Variants in CADPS observed in about 807,000 individuals in gnomAD.
CADPS encodes the protein calcium dependent secretion activator.
A neutral mutation model predicts 167.3 loss-of-function variants in CADPS; 57 were observed. The ratio of observed to expected loss-of-function variants is 0.34; its 90% confidence interval spans 0.28 to 0.42. CADPS has a LOEUF of 0.42. Among genes scored for constraint, CADPS ranks in the 20% least tolerant of loss-of-function variants. CADPS has a pLI of 1.00. For synonymous variants in CADPS, 676 were observed against 635.3 expected, an observed-to-expected ratio of 1.06 and a Z score of -0.96; for missense variants, 1,414 against 1,738.1, an observed-to-expected ratio of 0.81 and a Z score of 3.32.
chr3:62,769,845 T>C (rs117253190), intron 1 of CADPS, among the ~76,000 whole-genome samples: 3,454 of 152,214 alleles, frequency 0.023, 61 homozygotes, highest in South Asian at 0.061. Context: ...TGCATGACCT[T>C]AGGCAACCTA....
At chr3:62,604,076 C>T (rs139620767) in intron 6 of CADPS, among the ~76,000 whole-genome samples, 1,592 of 151,998 alleles carry the variant, frequency 0.01, 9 homozygotes, top group South Asian at 0.016. Context: ...GTGATCAGCC[C>T]GCCTCAGCCT....
intron 26 of CADPS, among the ~76,000 whole-genome samples, chr3:62,463,634 C>A (rs939214115): frequency 5.3e-5 from 8 of 152,218 alleles, no homozygotes; most frequent in African/African-American, 1.9e-4. Flanking sequence ...GCAGGACACA[C>A]TGGTTCCTGT....
chr3:62,490,145 A>C (rs113571649), intron 21 of CADPS, among the ~76,000 whole-genome samples: 1,788 of 152,278 alleles, frequency 0.012, 40 homozygotes, highest in African/African-American at 0.04. Context: ...ACTGCTTAAA[A>C]ATAGGCTGCA....
At chr3:62,621,162 A>T (rs1160711541) in intron 6 of CADPS, among the ~76,000 whole-genome samples, 1 of 152,202 alleles carries the variant, frequency 6.6e-6, no homozygotes, top group Non-Finnish European at 1.5e-5. Context: ...GGGGCACCGC[A>T]GATTGCTCTG....
At chr3:62,459,357 C>T (rs1005035631) in intron 26 of CADPS, among the ~76,000 whole-genome samples, 4 of 152,186 alleles carry the variant, frequency 2.6e-5, no homozygotes, top group Non-Finnish European at 2.9e-5. Flanking sequence ...CTGCTGAAAA[C>T]GCTGGAAGTC....
At chr3:62,801,104 G>A (rs1447777222) in intron 1 of CADPS, among the ~76,000 whole-genome samples, 1 of 152,132 alleles carries the variant, frequency 6.6e-6, no homozygotes, top group African/African-American at 2.4e-5. Flanking sequence ...TTCATCTGTA[G>A]AGTGGGCATT....
At chr3:62,697,568 C>T (rs866627186) in intron 3 of CADPS, among the ~76,000 whole-genome samples, 7 of 151,998 alleles carry the variant, frequency 4.6e-5, no homozygotes, top group South Asian at 2.1e-4. Context: ...TATAAACATA[C>T]GTGTGCAAGC....
chr3:62,658,214 C>T (rs796226942), intron 4 of CADPS, among the ~76,000 whole-genome samples: 1 of 152,108 alleles, frequency 6.6e-6, no homozygotes, highest in Admixed American at 6.5e-5. Context: ...TCTTGATTTG[C>T]CTATACTTGG....
intron 6 of CADPS, among the ~76,000 whole-genome samples, chr3:62,633,199 C>G (rs1334443114): frequency 6.6e-6 from 1 of 152,116 alleles, no homozygotes; most frequent in Non-Finnish European, 1.5e-5. Context: ...AGAGTTTGGG[C>G]TCTATGTCCC....
intron 3 of CADPS, among the ~76,000 whole-genome samples, chr3:62,710,507 A>G (rs1364788530): frequency 3.3e-5 from 5 of 152,166 alleles, no homozygotes; most frequent in Non-Finnish European, 7.3e-5. Context: ...GAATTTTTAT[A>G]TATGGATCCA....
chr3:62,848,898 C>A (rs1232223374), intron 1 of CADPS, among the ~76,000 whole-genome samples: 1 of 117,822 alleles, frequency 8.5e-6, no homozygotes, highest in African/African-American at 3.3e-5. Flanking sequence ...GATATTGATT[C>A]TTCCTACCCA....
At chr3:62,577,633 C>T (rs553465388) in intron 8 of CADPS, among the ~76,000 whole-genome samples, 14 of 152,232 alleles carry the variant, frequency 9.2e-5, no homozygotes, top group Non-Finnish European at 4.4e-5. Flanking sequence ...AATAACTCTT[C>T]TATAGCTGTA....
intron 6 of CADPS, among the ~76,000 whole-genome samples, chr3:62,607,281 C>T (rs528380617): frequency 1.3e-5 from 2 of 152,320 alleles, no homozygotes; most frequent in South Asian, 2.1e-4. Context: ...GATCTACCCA[C>T]GGTGTGAGAG....
chr3:62,721,250 G>A (rs774190343), intron 3 of CADPS, among the ~76,000 whole-genome samples: 2 of 151,882 alleles, frequency 1.3e-5, no homozygotes, highest in Non-Finnish European at 2.9e-5. Context: ...AGGATAGTGG[G>A]ACCATTCTCC....
intron 6 of CADPS, among the ~76,000 whole-genome samples, chr3:62,638,077 T>TATATATATATATA (rs2066661518): frequency 5.4e-5 from 2 of 36,766 alleles, no homozygotes; most frequent in Non-Finnish European, 3.1e-4. Flanking sequence ...GTTTTAAGCA[T>TATATATATATATA]TATATATATA....
chr3:62,651,749 G>A (rs2070204030), intron 4 of CADPS, among the ~76,000 whole-genome samples: 1 of 152,094 alleles, frequency 6.6e-6, no homozygotes, highest in Non-Finnish European at 1.5e-5. Flanking sequence ...CATGCTATTT[G>A]TTTCTTCATA....
chr3:62,497,459 G>A (rs185864377), intron 18 of CADPS, among the ~76,000 whole-genome samples: 24 of 152,240 alleles, frequency 1.6e-4, no homozygotes, highest in Admixed American at 1.1e-3. Context: ...TAGACACGTG[G>A]GAAGAACACA....
intron 6 of CADPS, among the ~76,000 whole-genome samples, chr3:62,615,947 G>A (rs1010453657): frequency 6.6e-6 from 1 of 152,106 alleles, no homozygotes; most frequent in Non-Finnish European, 1.5e-5. Flanking sequence ...TCTCATGATG[G>A]AGAAGAACAG....
intron 3 of CADPS, among the ~76,000 whole-genome samples, chr3:62,731,804 G>GCAAAAAAAAAAAAAAAAAAAAAA (rs2077884390): frequency 1.1e-4 from 1 of 9,188 alleles, no homozygotes; most frequent in African/African-American, 7.2e-4. Flanking sequence ...CTGATCATAT[G>GCAAAAAAAAAAAAAAAAAAAAAA]CAAAAAAAAA....
Sources: allele counts gnomAD v4.1 joint callset (sites outside exome capture counted in the v4.1 genomes callset), GRCh38; gene constraint gnomAD v4.1.1; transcripts MANE v1.5; gene names NCBI Gene and HGNC (gene_info 2026-07-23, HGNC 2026-07-21).